The following GLI3 variants were observed in gnomAD, a reference collection of about 807,000 sequenced individuals.
GLI3 encodes transcription activator GLI3.
Under a neutral mutation model 100.8 loss-of-function variants are expected in GLI3, and 20 were observed. That is an observed-to-expected ratio of 0.20 (90% CI 0.14 to 0.29). GLI3 has a LOEUF of 0.29. Ranked by LOEUF, GLI3 falls within the 10% of genes least tolerant of loss-of-function variation. The probability of loss-of-function intolerance (pLI) is 1.00; values close to 1 mark genes in which losing one functional copy is unlikely to be tolerated. For synonymous variants in GLI3, 938 were observed against 860.5 expected (o/e 1.09, Z -1.58); for missense variants, 2,040 against 2,128.5 (o/e 0.96, Z 0.82).
At chr7:42,151,422 T>C (rs1786857379) in intron 2 of GLI3, 1 of 152,178 alleles carries the variant, frequency 6.6e-6, no homozygotes. Flanking sequence ...ACGAAAGCTG[T>C]CTAATCTTGT....
chr7:42,194,526 A>G (rs1308994684), intron 2 of GLI3, among the ~76,000 whole-genome samples: 1 of 152,110 alleles, frequency 6.6e-6, no homozygotes. Context: ...TGAGCTTTAT[A>G]TCCAGCCACT....
intron 2 of GLI3, among the ~76,000 whole-genome samples, chr7:42,200,474 G>C (rs1788015617): frequency 6.6e-6 from 1 of 152,174 alleles, no homozygotes; most frequent in Admixed American, 6.5e-5. Context: ...GAAAGCCAGA[G>C]AACGCTCCAC....
chr7:42,091,329 G>C (rs1785213301), intron 3 of GLI3, among the ~76,000 whole-genome samples: 1 of 152,136 alleles, frequency 6.6e-6, no homozygotes, highest in African/African-American at 2.4e-5. Flanking sequence ...CACTGCCCAG[G>C]TACAGGTCCC....
chr7:42,131,574 C>T (rs1460403465), intron 3 of GLI3, among the ~76,000 whole-genome samples: 1 of 152,154 alleles, frequency 6.6e-6, no homozygotes, highest in African/African-American at 2.4e-5. Flanking sequence ...CTTTCTAGAT[C>T]TTCAACTTTA....
chr7:42,056,787 C>T, intron 4 of GLI3, among the ~76,000 whole-genome samples: 1 of 129,546 alleles, frequency 7.7e-6, no homozygotes, highest in Non-Finnish European at 1.7e-5. Context: ...CCCGTCTCTA[C>T]TAAAAATACA....
At chr7:42,130,423 T>C (rs956343554) in intron 3 of GLI3, among the ~76,000 whole-genome samples, 5 of 152,234 alleles carry the variant, frequency 3.3e-5, no homozygotes, top group Non-Finnish European at 5.9e-5. Flanking sequence ...TAGAAGGTTT[T>C]AGAAAGCATT....
intron 1 of GLI3, among the ~76,000 whole-genome samples, chr7:42,236,371 T>C (rs1441368458): frequency 2.6e-5 from 4 of 152,160 alleles, no homozygotes; most frequent in Admixed American, 1.3e-4. Flanking sequence ...CCAAATCATA[T>C]ACAGATGGTA....
At chr7:42,036,006 AC>A (rs1789427447) in intron 7 of GLI3, among the ~76,000 whole-genome samples, 1 of 152,236 alleles carries the variant, frequency 6.6e-6, no homozygotes, top group East Asian at 1.9e-4. Flanking sequence ...CTTGTCAGGT[AC>A]GTCTAGACAA....
At chr7:42,045,292 A>T in intron 6 of GLI3, 92 bp downstream of exon 6, 8 of 1,242,466 alleles carry the variant, frequency 6.4e-6, no homozygotes, top group East Asian at 2.3e-5. Flanking sequence ...TCAAAAAGTT[A>T]CACAATCACC....
chr7:42,122,506 T>C (rs1457783204), intron 3 of GLI3, among the ~76,000 whole-genome samples: 1 of 152,136 alleles, frequency 6.6e-6, no homozygotes, highest in Non-Finnish European at 1.5e-5. Flanking sequence ...AGGATGTCAA[T>C]GTCTGGATCC....
intron 10 of GLI3, among the ~76,000 whole-genome samples, chr7:41,992,850 GAC>G (rs1465522349): frequency 1.6e-4 from 25 of 152,278 alleles, no homozygotes; most frequent in African/African-American, 5.3e-4. Flanking sequence ...AGACAGGAAA[GAC>G]AGAAAATGTC....
rs139937638 is a variant in GLI3 at position 42,033,926 on chromosome 7, A to G, written c.1028+6112T>C. On this transcript the variant is annotated intron_variant, in intron 7 of 14. Transcript: ENST00000395925. ...CACAAAGACCCACATGCTCTTAAGTATCTCAACATTTACATTTAGGCATAT... is the reference window on the plus strand; with the variant it reads ...CACAAAGACCCACATGCTCTTAAGTGTCTCAACATTTACATTTAGGCATAT... Among the ~76,000 whole-genome samples, 417 of 152,348 alleles carry G rather than the reference A, an allele frequency of 2.7e-3. 1 individual carries two copies. Among genetic ancestry groups the G allele is most frequent in the African/African-American group, 9.3e-3 (388 of 41,572 alleles).
At chr7:42,037,179 C>T (rs1784029148) in intron 7 of GLI3, among the ~76,000 whole-genome samples, 1 of 152,130 alleles carries the variant, frequency 6.6e-6, no homozygotes, top group South Asian at 2.1e-4. Context: ...ACTTGCTTTG[C>T]CAAATAGCTG....
intron 3 of GLI3, among the ~76,000 whole-genome samples, chr7:42,087,082 C>T (rs1224120705): frequency 6.6e-6 from 1 of 152,054 alleles, no homozygotes; most frequent in Non-Finnish European, 1.5e-5. Flanking sequence ...CCAGCAGGAA[C>T]TCAATAAATG....
At chr7:42,182,644 G>GTGTATATATA (rs1213633941) in intron 2 of GLI3, among the ~76,000 whole-genome samples, 9 of 51,672 alleles carry the variant, frequency 1.7e-4, no homozygotes, top group African/African-American at 3.9e-4. Context: ...ATATGTGTGT[G>GTGTATATATA]TATATATATA....
At chr7:41,982,204 A>T (rs916678319) in intron 10 of GLI3, among the ~76,000 whole-genome samples, 3 of 152,216 alleles carry the variant, frequency 2.0e-5, no homozygotes, top group Admixed American at 6.5e-5. Flanking sequence ...AGGCTGGGGA[A>T]CCAAGTCAAT....
At chr7:42,017,923 G>T (rs533618696) in intron 10 of GLI3, among the ~76,000 whole-genome samples, 1 of 152,160 alleles carries the variant, frequency 6.6e-6, no homozygotes, top group Non-Finnish European at 1.5e-5. Flanking sequence ...GGCCTTGGAC[G>T]TTGGGGACAG....
intron 1 of GLI3, among the ~76,000 whole-genome samples, chr7:42,260,768 A>G (rs1389874866): frequency 2.0e-5 from 3 of 152,250 alleles, no homozygotes; most frequent in Admixed American, 2.0e-4. Flanking sequence ...TGGCAACAAA[A>G]GAATGAATTT....
At chr7:42,179,907 T>C (rs1240874769) in intron 2 of GLI3, among the ~76,000 whole-genome samples, 2 of 152,176 alleles carry the variant, frequency 1.3e-5, no homozygotes, top group African/African-American at 4.8e-5. Context: ...CTTGCAGATA[T>C]CCAAACAGAA....
Sources: gnomAD v4.1 joint callset for allele counts (sites outside exome capture counted in the v4.1 genomes callset) on GRCh38, gnomAD v4.1.1 for gene constraint, MANE v1.5 for transcripts, NCBI Gene and HGNC (gene_info 2026-07-23, HGNC 2026-07-21) for gene names.